Variants in COL25A1 observed in about 807,000 individuals in gnomAD.
COL25A1 encodes collagen type XXV alpha 1 chain.
Under a neutral mutation model 128.4 loss-of-function variants are expected in COL25A1, and 103 were observed. The observed-to-expected ratio is 0.80, with a 90% CI of 0.68 to 0.94. COL25A1 has a LOEUF of 0.94. Among genes scored for constraint, COL25A1 ranks in the 40% least tolerant of loss-of-function variants. The probability of loss-of-function intolerance (pLI) is 0.00; values close to 1 mark genes in which losing one functional copy is unlikely to be tolerated. For missense variants in COL25A1, 745 were observed against 840.0 expected, an observed-to-expected ratio of 0.89 and a Z score of 1.40; for synonymous variants, 279 against 277.2, an observed-to-expected ratio of 1.01 and a Z score of -0.06.
In COL25A1 at chr4:108,812,555, T is replaced by C. The variant is rs1253001609; in HGVS notation, c.*1372A>G. 6.6e-6 allele frequency: 1 copy of C among 152,216 alleles called. No homozygotes were observed. The highest frequency in any genetic ancestry group is 1.5e-5 in the Non-Finnish European group (1 of 68,042). 9.4% of individuals were successfully genotyped at this position (152,216 alleles called of 1,614,324 possible). A position where few individuals can be genotyped will look rare whatever the true frequency, so the allele number is the denominator to read the frequency against. ...GAGAGAAGTTAGTAAAAGGTCATTT[T>C]GACTACTGGAGCCAAATTATTATGA... On this transcript the variant is annotated 3_prime_UTR_variant, in exon 38 of 38. Transcript: ENST00000399132.
chr4:109,073,710 C>T (rs1341583494), intron 3 of COL25A1, among the ~76,000 whole-genome samples: 1 of 152,168 alleles, frequency 6.6e-6, no homozygotes, highest in African/African-American at 2.4e-5. Context: ...TCCTTAGAGG[C>T]TGAAAACACT....
At chr4:109,137,626 C>T (rs2126079674) in intron 3 of COL25A1, among the ~76,000 whole-genome samples, 1 of 152,268 alleles carries the variant, frequency 6.6e-6, no homozygotes, top group Non-Finnish European at 1.5e-5. Context: ...AGCTAAGTAT[C>T]ATATATCCCA....
In COL25A1 at chr4:108,846,162, C is replaced by T; in HGVS notation, c.1492G>A (p.Gly498Arg). The T allele has an allele frequency of 6.2e-7, 1 of 1,611,988 alleles. No homozygotes were observed. The highest frequency in any genetic ancestry group is 1.1e-5 in the South Asian group (1 of 91,030). The change falls in exon 28 of 38, where the codon GGA (glycine) becomes AGA (arginine). Residue 498 changes from glycine (G) to arginine (R), a missense_variant. Transcript: ENST00000399132. ...ACCGGTAATCCAGGAAGTCCAATTC[C>T]TCCTTTTTCACCTGTCATACCTGGG... ...GDPGMTGEKG[G>R]IGLPGLPGAN...
intron 31 of COL25A1, among the ~76,000 whole-genome samples, chr4:108,836,295 T>A (rs10015699): frequency 0.16 from 24,332 of 152,116 alleles, 2,294 homozygotes; most frequent in East Asian, 0.34. Flanking sequence ...CCCTAAATTT[T>A]AAAAAAGGGC....
intron 3 of COL25A1, among the ~76,000 whole-genome samples, chr4:109,203,215 G>A (rs141349775): frequency 1.3e-5 from 2 of 151,966 alleles, no homozygotes; most frequent in East Asian, 3.9e-4. Context: ...TAATCAGGAT[G>A]GCATCAGAAT....
intron 31 of COL25A1, among the ~76,000 whole-genome samples, chr4:108,833,882 T>G (rs1285289636): frequency 6.6e-6 from 1 of 152,202 alleles, no homozygotes; most frequent in Non-Finnish European, 1.5e-5. Context: ...ACAAGTCATT[T>G]CTATGAACAG....
intron 27 of COL25A1, among the ~76,000 whole-genome samples, chr4:108,847,075 T>G (rs1226344122): frequency 1.3e-5 from 2 of 151,866 alleles, no homozygotes; most frequent in Non-Finnish European, 2.9e-5. Flanking sequence ...CCAGGTAATT[T>G]TTGTATTTTT....
chr4:108,897,291 T>A (rs1355642272), intron 15 of COL25A1, among the ~76,000 whole-genome samples: 1 of 152,184 alleles, frequency 6.6e-6, no homozygotes, highest in Non-Finnish European at 1.5e-5. Context: ...ACTAGAAAAA[T>A]TTTTTAAATC....
chr4:109,169,846 T>C (rs1464000660), intron 3 of COL25A1, among the ~76,000 whole-genome samples: 4 of 152,188 alleles, frequency 2.6e-5, no homozygotes, highest in African/African-American at 4.8e-5. Context: ...CCTGCATCTT[T>C]GCAACATATT....
intron 3 of COL25A1, among the ~76,000 whole-genome samples, chr4:109,051,397 AG>A (rs1760971915): frequency 6.6e-6 from 1 of 151,884 alleles, no homozygotes; most frequent in Admixed American, 6.6e-5. Flanking sequence ...TAAAACCAAT[AG>A]AAAATATTAG....
At chr4:108,858,317 G>C (rs1314908403) in intron 24 of COL25A1, among the ~76,000 whole-genome samples, 2 of 151,934 alleles carry the variant, frequency 1.3e-5, no homozygotes, top group African/African-American at 2.4e-5. Context: ...AAGAGTCATT[G>C]GTCAAGGAGC....
chr4:109,247,572 C>T lies in COL25A1; in HGVS notation c.367+53011G>A, dbSNP rs949866727. Among the ~76,000 whole-genome samples the T allele has an allele frequency of 2.0e-5, 3 of 152,044 alleles. No homozygotes were observed. The East Asian group carries it at 5.8e-4, about 29-fold the overall frequency. ...ACGTACAATGCAAGGGCTTTAAAAC[C>T]AATGAATGTTAGAATCATAGGAAAG... On this transcript the variant is annotated intron_variant, in intron 3 of 37. Coordinates refer to ENST00000399132, the MANE Select transcript of COL25A1 (RefSeq NM_198721.4).
At chr4:109,227,854 G>A (rs1036336810) in intron 3 of COL25A1, among the ~76,000 whole-genome samples, 7 of 152,164 alleles carry the variant, frequency 4.6e-5, no homozygotes, top group South Asian at 2.1e-4. Context: ...TGGTGGCTGA[G>A]AAGTCCCAAG....
At chr4:109,213,212 A>T (rs1287290911) in intron 3 of COL25A1, among the ~76,000 whole-genome samples, 1 of 152,204 alleles carries the variant, frequency 6.6e-6, no homozygotes, top group Non-Finnish European at 1.5e-5. Context: ...ATCTAATCTA[A>T]GATGACAGAA....
rs750080155 is a variant in COL25A1, at chr4:109,300,657, A to C, written c.298-5T>G. 9 of 1,600,760 alleles carry C rather than the reference A, an allele frequency of 5.6e-6. 1 individual carries two copies. In the South Asian group the frequency reaches 7.7e-5, roughly 14 times the overall value. ...AGCCATATGTTCATAGGATTTCTGT[A>C]GGAAAAGAAGAGTTATTAATAATCA... is the stretch of plus-strand genomic sequence containing the variant. On this transcript the variant is annotated splice_polypyrimidine_tract_variant and splice_region_variant and intron_variant, in intron 2 of 37. Coordinates refer to ENST00000399132, the MANE Select transcript of COL25A1 (RefSeq NM_198721.4).
At chr4:108,908,643 C>T (rs1381681107) in intron 13 of COL25A1, among the ~76,000 whole-genome samples, 2 of 152,130 alleles carry the variant, frequency 1.3e-5, no homozygotes, top group Non-Finnish European at 2.9e-5. Context: ...TCATCTTGCC[C>T]GCTGCCCAGA....
intron 3 of COL25A1, among the ~76,000 whole-genome samples, chr4:109,080,179 T>C (rs1763717244): frequency 1.3e-5 from 2 of 152,158 alleles, no homozygotes; most frequent in African/African-American, 4.8e-5. Flanking sequence ...CCTCAATTTA[T>C]ATGATAGGTA....
At chr4:109,118,658 G>A (rs1477811879) in intron 3 of COL25A1, among the ~76,000 whole-genome samples, 1 of 151,810 alleles carries the variant, frequency 6.6e-6, no homozygotes, top group African/African-American at 2.4e-5. Context: ...TAATAAAGGG[G>A]TTAACATTTC....
intron 24 of COL25A1, among the ~76,000 whole-genome samples, chr4:108,857,698 A>G (rs916827233): frequency 6.6e-6 from 1 of 152,206 alleles, no homozygotes; most frequent in African/African-American, 2.4e-5. Flanking sequence ...TAATTCAAAC[A>G]GGTACAAAGT....
Sources: gnomAD v4.1 joint callset for allele counts (sites outside exome capture counted in the v4.1 genomes callset) on GRCh38, gnomAD v4.1.1 for gene constraint, MANE v1.5 for transcripts, NCBI Gene and HGNC (gene_info 2026-07-23, HGNC 2026-07-21) for gene names.